The following HHAT variants were observed in gnomAD, a reference collection of about 807,000 sequenced individuals.
HHAT encodes the protein hedgehog acyltransferase.
Under a neutral mutation model 70.8 loss-of-function variants are expected in HHAT, and 47 were observed. That is an observed-to-expected ratio of 0.66 (90% CI 0.53 to 0.85). The LOEUF is 0.85. Among genes scored for constraint, HHAT ranks in the 40% least tolerant of loss-of-function variants. HHAT has a pLI of 0.00. For missense variants in HHAT, 609 were observed against 604.8 expected (o/e 1.01, Z -0.07); for synonymous variants, 228 against 247.6 (o/e 0.92, Z 0.74).
chr1:210,446,747 T>C (rs140505711), intron 7 of HHAT, among the ~76,000 whole-genome samples: 5 of 152,238 alleles, frequency 3.3e-5, no homozygotes, highest in Non-Finnish European at 5.9e-5. Flanking sequence ...CTTCCTGTCA[T>C]TCCCATCTCT....
At chr1:210,647,215 G>T (rs1203375283) in intron 11 of HHAT, among the ~76,000 whole-genome samples, 1 of 152,130 alleles carries the variant, frequency 6.6e-6, no homozygotes, top group African/African-American at 2.4e-5. Context: ...TCTGTCTCCT[G>T]TCTGTCTTTT....
At chr1:210,526,378 T>TTC (rs1478939085) in intron 9 of HHAT, among the ~76,000 whole-genome samples, 1 of 147,034 alleles carries the variant, frequency 6.8e-6, no homozygotes, top group Non-Finnish European at 1.5e-5. Context: ...TTTTTTTTTT[T>TTC]GCCACTGAGA....
chr1:210,436,011 AG>A (rs2093366459), intron 7 of HHAT, among the ~76,000 whole-genome samples: 2 of 151,738 alleles, frequency 1.3e-5, no homozygotes, highest in South Asian at 4.1e-4. Context: ...TGTGGTTTTG[AG>A]GCCTTGCCTA....
intron 1 of HHAT, 55 bp downstream of exon 1, chr1:210,329,159 G>A (rs1296974459): frequency 7.9e-7 from 1 of 1,261,982 alleles, no homozygotes; most frequent in African/African-American, 1.6e-5. Flanking sequence ...TGAATTTTCT[G>A]CGTCAGTTTA....
chr1:210,374,122 T>G (rs189839320), intron 3 of HHAT: 1 of 152,238 alleles, frequency 6.6e-6, no homozygotes, highest in East Asian at 1.9e-4. Context: ...CATAATGTTT[T>G]CCTCTTTAAG....
Position 210,485,279 on chromosome 1 carries a change from CA to C in HHAT, c.1007+20625del, listed in dbSNP as rs577347924. ...CAGCTCCTCCTCCTAGGGTATGCAG[CA>C]CACAGTGCTACAGTCTGATCACTCT... On this transcript the variant is annotated intron_variant, in intron 8 of 11. Coordinates refer to ENST00000261458, the MANE Select transcript of HHAT (RefSeq NM_018194.6). 6.5e-3 allele frequency among the ~76,000 whole-genome samples: 984 copies of C among 152,316 alleles called. 11 individuals carry two copies. Among genetic ancestry groups the C allele is most frequent in the African/African-American group, 0.022 (925 of 41,584 alleles).
intron 7 of HHAT, among the ~76,000 whole-genome samples, chr1:210,433,480 C>G (rs894870666): frequency 1.3e-5 from 2 of 151,824 alleles, no homozygotes; most frequent in African/African-American, 2.4e-5. Flanking sequence ...GAGGTTGTTT[C>G]TCGTGGGATT....
intron 3 of HHAT, among the ~76,000 whole-genome samples, chr1:210,381,688 A>G (rs138086411): frequency 2.0e-5 from 3 of 152,334 alleles, no homozygotes; most frequent in African/African-American, 7.2e-5. Flanking sequence ...ATCCATAGAC[A>G]TAATAAAACA....
At chr1:210,461,843 T>C (rs1322437691) in intron 7 of HHAT, among the ~76,000 whole-genome samples, 1 of 152,176 alleles carries the variant, frequency 6.6e-6, no homozygotes. Flanking sequence ...GTAAGAAATA[T>C]TCAGTGACAG....
At chr1:210,623,445 T>TG in intron 10 of HHAT, 81 bp from the exon 11 acceptor site, 3 of 1,533,222 alleles carry the variant, frequency 2.0e-6, no homozygotes, top group Non-Finnish European at 2.7e-6. Context: ...CCTGGGCTGG[T>TG]GACAGAGAAA....
At chr1:210,412,312 C>G (rs1432735582) in intron 6 of HHAT, among the ~76,000 whole-genome samples, 1 of 152,198 alleles carries the variant, frequency 6.6e-6, no homozygotes, top group Non-Finnish European at 1.5e-5. Flanking sequence ...AAAATACACT[C>G]ATTCCATCCT....
At chr1:210,390,428 CTAAGTT>C (rs544712343) in intron 4 of HHAT, among the ~76,000 whole-genome samples, 67 of 152,188 alleles carry the variant, frequency 4.4e-4, no homozygotes, top group Middle Eastern at 6.8e-3. Context: ...TATTAAAACT[CTAAGTT>C]TATTTGCTTC....
chr1:210,481,766 A>G (rs1344761918), intron 8 of HHAT, among the ~76,000 whole-genome samples: 1 of 152,224 alleles, frequency 6.6e-6, no homozygotes, highest in East Asian at 1.9e-4. Context: ...TGAATTTGCA[A>G]ATACACAATT....
chr1:210,523,099 T>C (rs1250039050), intron 9 of HHAT, among the ~76,000 whole-genome samples: 1 of 152,074 alleles, frequency 6.6e-6, no homozygotes, highest in African/African-American at 2.4e-5. Context: ...CTTATGGCCA[T>C]CCATCAGTCT....
chr1:210,540,091 C>T (rs2095412940), intron 9 of HHAT, among the ~76,000 whole-genome samples: 1 of 152,148 alleles, frequency 6.6e-6, no homozygotes, highest in African/African-American at 2.4e-5. Context: ...ACTGGTCACC[C>T]AATAGCCACC....
intron 7 of HHAT, among the ~76,000 whole-genome samples, chr1:210,460,219 C>T (rs986631362): frequency 1.3e-5 from 2 of 152,094 alleles, no homozygotes; most frequent in African/African-American, 4.8e-5. Flanking sequence ...TAGGACCTGC[C>T]CAGATTTACT....
At chr1:210,616,978 T>C (rs1363246292) in intron 10 of HHAT, among the ~76,000 whole-genome samples, 2 of 152,196 alleles carry the variant, frequency 1.3e-5, no homozygotes, top group Non-Finnish European at 2.9e-5. Flanking sequence ...TTTGCTAGGA[T>C]TGGGATGATC....
rs752461363 is a variant in HHAT, at chr1:210,418,342, C to T, written c.856+17C>T. ...GGACCTTAGGTAATTGTGGGAATCACCAACAGTGGGATGAGCCCCAATAGT... is the reference window on the plus strand; with the variant it reads ...GGACCTTAGGTAATTGTGGGAATCATCAACAGTGGGATGAGCCCCAATAGT... On this transcript the variant is annotated intron_variant, in intron 7 of 11. Coordinates refer to ENST00000261458, the MANE Select transcript of HHAT (RefSeq NM_018194.6). The T allele has an allele frequency of 1.7e-4, 266 of 1,562,802 alleles. No homozygotes were observed. The highest frequency in any genetic ancestry group is 2.2e-4 in the Non-Finnish European group (259 of 1,152,926).
chr1:210,594,620 C>T (rs1398948589), intron 10 of HHAT, among the ~76,000 whole-genome samples: 3 of 152,076 alleles, frequency 2.0e-5, no homozygotes, highest in Admixed American at 6.6e-5. Context: ...TCTGTGTTTT[C>T]CTGTGTACTT....
Sources: gnomAD v4.1 joint callset for allele counts (sites outside exome capture counted in the v4.1 genomes callset) on GRCh38, gnomAD v4.1.1 for gene constraint, MANE v1.5 for transcripts, NCBI Gene and HGNC (gene_info 2026-07-23, HGNC 2026-07-21) for gene names.